Variants in CLDN20 observed in about 807,000 individuals in gnomAD.
CLDN20 encodes the protein claudin 20.
For missense variants in CLDN20, 258 were observed against 267.9 expected (o/e 0.96, Z 0.26); for synonymous variants, 104 against 103.6 (o/e 1.00, Z -0.03).
chr6:155,271,128 C>T (rs1667965456), intron 1 of CLDN20, among the ~76,000 whole-genome samples: 2 of 152,140 alleles, frequency 1.3e-5, no homozygotes, highest in Admixed American at 6.5e-5. Flanking sequence ...TGTTTATTTA[C>T]TACTTTTAAA....
In CLDN20 at chr6:155,276,545, A is replaced by C; in HGVS notation, c.*166A>C. 1.6e-6 allele frequency: 1 copy of C among 622,260 alleles called. No homozygotes were observed. Among genetic ancestry groups the C allele is most frequent in the Non-Finnish European group, 2.8e-6 (1 of 358,456 alleles). The allele number at this position is 622,260 out of a possible 1,614,324, so 38.5% of individuals were successfully genotyped here. On this transcript the variant is annotated 3_prime_UTR_variant, in exon 2 of 2. Transcript: ENST00000367165. ...AATGCCAATAAAACTATCATATACA[A>C]TTACATCTGTCTGAAGAGTTCTTTA...
At chr6:155,270,919 A>G (rs1162782622) in intron 1 of CLDN20, among the ~76,000 whole-genome samples, 3 of 152,198 alleles carry the variant, frequency 2.0e-5, no homozygotes, top group Non-Finnish European at 4.4e-5. Flanking sequence ...CATGAAATAA[A>G]ATCAAAGAAC....
At chr6:155,273,945 A>G (rs569525951) in intron 1 of CLDN20, among the ~76,000 whole-genome samples, 5 of 152,358 alleles carry the variant, frequency 3.3e-5, no homozygotes, top group African/African-American at 1.2e-4. Context: ...CAATTGTCAC[A>G]ATACATAAGA....
chr6:155,269,675 A>G (rs9322507), intron 1 of CLDN20, among the ~76,000 whole-genome samples: 1 of 151,954 alleles, frequency 6.6e-6, no homozygotes. Context: ...TTGAGAATTA[A>G]GTATTATAGC....
In CLDN20 at chr6:155,276,471, A is replaced by G; in HGVS notation, c.*92A>G. 8.7e-7 allele frequency: 1 copy of G among 1,152,394 alleles called. No homozygotes were observed. The highest frequency in any genetic ancestry group is 1.2e-6 in the Non-Finnish European group (1 of 818,016). The allele number at this position is 1,152,394 out of a possible 1,614,324, so 71.4% of individuals were successfully genotyped here. On this transcript the variant is annotated 3_prime_UTR_variant, in exon 2 of 2. Transcript: ENST00000367165. The stretch of plus-strand genomic sequence containing the variant: ...ATCAGAATTATGCTTAACTTTCCCT[A>G]CAAAGAAAGTAGAATGTAAAATACT...
At chr6:155,270,921 T>G (rs1784888637) in intron 1 of CLDN20, among the ~76,000 whole-genome samples, 1 of 152,058 alleles carries the variant, frequency 6.6e-6, no homozygotes, top group African/African-American at 2.4e-5. Flanking sequence ...TGAAATAAAA[T>G]CAAAGAACAA....
chr6:155,275,047 T>C (rs941346327), intron 1 of CLDN20, among the ~76,000 whole-genome samples: 2 of 150,292 alleles, frequency 1.3e-5, no homozygotes, highest in African/African-American at 2.5e-5. Flanking sequence ...TGAAACCCCA[T>C]CTCTACTAAA....
At chr6:155,265,908 G>A (rs954099013) in intron 1 of CLDN20, among the ~76,000 whole-genome samples, 1 of 151,868 alleles carries the variant, frequency 6.6e-6, no homozygotes, top group African/African-American at 2.4e-5. Flanking sequence ...AAGAACTTGG[G>A]AGTCCAATGT....
intron 1 of CLDN20, among the ~76,000 whole-genome samples, chr6:155,267,424 G>C (rs78570629): frequency 6.6e-6 from 1 of 152,370 alleles, no homozygotes; most frequent in East Asian, 1.9e-4. Context: ...CACAGACCAG[G>C]TGGTCTTCAG....
chr6:155,275,638 T>C lies in CLDN20; in HGVS notation c.-82T>C, dbSNP rs988396592. 32 of 1,372,888 alleles carry C rather than the reference T, an allele frequency of 2.3e-5. No individual in the cohort carries two copies. The highest frequency in any genetic ancestry group is 8.3e-5 in the Admixed American group (4 of 48,090). The allele number at this position is 1,372,888 out of a possible 1,614,324, so 85.0% of individuals were successfully genotyped here. ...TAGGCTTTGTTATTTGGTTCTCTAC[T>C]GCACAGAAATAGATAGAATTCTGAC... On this transcript the variant is annotated 5_prime_UTR_variant, in exon 2 of 2. Coordinates refer to ENST00000367165, the MANE Select transcript of CLDN20 (RefSeq NM_001001346.3).
At position 155,275,851 on chromosome 6, in the gene CLDN20, T is replaced by G. The variant is rs1785172929; in HGVS notation, c.132T>G (p.Ile44Met). Residue 44 changes from isoleucine to methionine, a missense_variant, in exon 2 of 2, where the codon ATT becomes ATG. Coordinates refer to ENST00000367165, the MANE Select transcript of CLDN20 (RefSeq NM_001001346.3). ...VDVDSNIITAIVQLHGLWMDC... is the reference protein window; with the variant it reads ...VDVDSNIITAMVQLHGLWMDC... ...TGGACTCCAACATCATAACAGCCAT[T>G]GTACAGCTGCACGGGCTCTGGATGG... The G allele has an allele frequency of 6.2e-7, 1 of 1,614,024 alleles. No homozygotes were observed. The highest frequency in any genetic ancestry group is 1.1e-5 in the South Asian group (1 of 91,082).
intron 1 of CLDN20, among the ~76,000 whole-genome samples, chr6:155,269,140 T>C (rs112209867): frequency 1.5e-3 from 232 of 151,914 alleles, no homozygotes; most frequent in African/African-American, 4.7e-3. Context: ...GCTTATAAAC[T>C]ACCAAGAGAG....
At chr6:155,270,000 G>A (rs987488064) in intron 1 of CLDN20, among the ~76,000 whole-genome samples, 3 of 152,234 alleles carry the variant, frequency 2.0e-5, no homozygotes, top group Non-Finnish European at 4.4e-5. Context: ...TACCTCAGAG[G>A]TCTTGCGCTA....
At chr6:155,272,875 T>C (rs2114704211) in intron 1 of CLDN20, among the ~76,000 whole-genome samples, 1 of 152,314 alleles carries the variant, frequency 6.6e-6, no homozygotes, top group Middle Eastern at 3.4e-3. Flanking sequence ...ATGTCTGAAA[T>C]ATACTGAAAG....
chr6:155,271,676 C>T (rs1039231289), intron 1 of CLDN20, among the ~76,000 whole-genome samples: 2 of 152,138 alleles, frequency 1.3e-5, no homozygotes, highest in African/African-American at 4.8e-5. Flanking sequence ...ATTTGCAAGG[C>T]ACGACATTGT....
intron 1 of CLDN20, among the ~76,000 whole-genome samples, chr6:155,268,189 AGTCT>A (rs1371607504): frequency 3.3e-5 from 5 of 152,272 alleles, no homozygotes; most frequent in Admixed American, 6.5e-5. Context: ...AGCCTCCCAG[AGTCT>A]GTCTGTCTCC....
At chr6:155,272,930 T>C (rs183939758) in intron 1 of CLDN20, among the ~76,000 whole-genome samples, 144 of 152,256 alleles carry the variant, frequency 9.5e-4, no homozygotes, top group African/African-American at 3.3e-3. Flanking sequence ...TTATAATTGG[T>C]AAGCTGAACA....
At chr6:155,266,548 T>C (rs888919792) in intron 1 of CLDN20, among the ~76,000 whole-genome samples, 2 of 152,030 alleles carry the variant, frequency 1.3e-5, no homozygotes, top group African/African-American at 4.8e-5. Context: ...CGCTCACAGT[T>C]AAGAATGACC....
intron 1 of CLDN20, among the ~76,000 whole-genome samples, chr6:155,264,779 A>G (rs1453353401): frequency 6.6e-6 from 1 of 152,178 alleles, no homozygotes; most frequent in Non-Finnish European, 1.5e-5. Flanking sequence ...AGACTAAGAA[A>G]TGTGGTGAGG....
Sources: gnomAD v4.1 joint callset for allele counts (sites outside exome capture counted in the v4.1 genomes callset) on GRCh38, gnomAD v4.1.1 for gene constraint, MANE v1.5 for transcripts, NCBI Gene and HGNC (gene_info 2026-07-23, HGNC 2026-07-21) for gene names.